Variants in ABCA13 observed in about 807,000 individuals in gnomAD.
ABCA13 encodes the protein ATP binding cassette subfamily A member 13.
ABCA13 carries 476 observed loss-of-function variants against 478.7 expected under a neutral mutation model. The ratio of observed to expected loss-of-function variants is 0.99; its 90% CI spans 0.92 to 1.07. ABCA13 has a LOEUF of 1.07. Among genes scored for constraint, ABCA13 ranks in the 50% least tolerant of loss-of-function variants. ABCA13 has a pLI of 0.00. For missense variants in ABCA13, 6,060 were observed against 5,910.6 expected, an observed-to-expected ratio of 1.03 and a Z score of -0.83; for synonymous variants, 2,252 against 2,158.9, an observed-to-expected ratio of 1.04 and a Z score of -1.20.
rs183939990 is a variant in ABCA13 at position 48,186,751 on chromosome 7, T to C, written c.70-6208T>C. 1.6e-4 allele frequency among the ~76,000 whole-genome samples: 25 copies of C among 152,124 alleles called. No individual in the cohort carries two copies. The East Asian group carries it at 3.5e-3, about 21-fold the overall frequency. Reference sequence around the variant, plus strand: ...TCACTTTCCTCTCCTCAGCTCTTTGTTGATTTATTTTACTTCCAGAAAGAC... The same window carrying C: ...TCACTTTCCTCTCCTCAGCTCTTTGCTGATTTATTTTACTTCCAGAAAGAC... On this transcript the variant is annotated intron_variant, in intron 1 of 61. Transcript: ENST00000435803.
At chr7:48,337,999 C>T (rs1806532666) in intron 28 of ABCA13, among the ~76,000 whole-genome samples, 1 of 152,156 alleles carries the variant, frequency 6.6e-6, no homozygotes, top group African/African-American at 2.4e-5. Context: ...CAATGACCCT[C>T]TGTTTACAAC....
chr7:48,360,231 C>T (rs1161420351), intron 31 of ABCA13, among the ~76,000 whole-genome samples: 1 of 148,736 alleles, frequency 6.7e-6, no homozygotes, highest in Non-Finnish European at 1.5e-5. Context: ...GATGTCCCCA[C>T]TCTGTGTCCA....
chr7:48,522,052 T>A lies in ABCA13; in HGVS notation c.14051+1758T>A, dbSNP rs548308611. Among the ~76,000 whole-genome samples, 266 of 152,354 alleles carry A rather than the reference T, an allele frequency of 1.7e-3. 1 individual carries two copies. Among genetic ancestry groups the A allele is most frequent in the African/African-American group, 6.2e-3 (256 of 41,584 alleles). ...TCCTCCCATCCCACAGGGATATTTG[T>A]TGCCCTGCCTCTGGGGCTGGGCTGA... On this transcript the variant is annotated intron_variant, in intron 53 of 61. Transcript: ENST00000435803.
At chr7:48,472,218 T>C (rs1827577249) in intron 45 of ABCA13, among the ~76,000 whole-genome samples, 1 of 152,168 alleles carries the variant, frequency 6.6e-6, no homozygotes, top group South Asian at 2.1e-4. Flanking sequence ...ACAGGTCTAA[T>C]TTATAGGAAA....
chr7:48,262,735 G>A (rs2128725695), intron 15 of ABCA13, among the ~76,000 whole-genome samples: 1 of 152,048 alleles, frequency 6.6e-6, no homozygotes, highest in Admixed American at 6.6e-5. Flanking sequence ...ATTTAGAGGT[G>A]TATGTCAGCA....
Position 48,412,547 on chromosome 7 carries a change from G to A in ABCA13, c.12423G>A (p.Leu4141=), listed in dbSNP as rs148366143. The A allele has an allele frequency of 6.1e-4, 986 of 1,612,808 alleles. 4 individuals are homozygous for A. Among genetic ancestry groups the A allele is most frequent in the African/African-American group, 4.8e-3 (358 of 74,778 alleles). ...ALDENLHQLH[L]TGYGISDTTL... ...ATGAGAACCTGCATCAGCTGCACCT[G>A]ACGGGCTATGGGATCTCAGACACCA... The change falls in exon 41 of 62, where the codon CTG becomes CTA. Residue 4141 remains leucine (L), a synonymous_variant. Coordinates refer to ENST00000435803, the MANE Select transcript of ABCA13 (RefSeq NM_152701.5).
chr7:48,373,178 C>G (rs889656045), intron 33 of ABCA13, among the ~76,000 whole-genome samples: 2 of 152,142 alleles, frequency 1.3e-5, no homozygotes, highest in Non-Finnish European at 2.9e-5. Context: ...CAAGTGACTT[C>G]CTAAAATTGC....
chr7:48,482,922 T>C (rs1433342102), intron 46 of ABCA13, among the ~76,000 whole-genome samples, 154 bp from the exon 47 acceptor site: 1 of 152,226 alleles, frequency 6.6e-6, no homozygotes, highest in Non-Finnish European at 1.5e-5. Context: ...GCACAGCACC[T>C]GTCTGCCTGT....
rs1323811352 is a variant in ABCA13 at position 48,646,913 on chromosome 7, C to G, written c.*1401C>G. The G allele has an allele frequency of 2.6e-5, 4 of 152,298 alleles. No individual in the cohort carries two copies. The highest frequency in any genetic ancestry group is 9.6e-5 in the African/African-American group (4 of 41,562). 9.4% of individuals were successfully genotyped at this position (152,298 alleles called of 1,614,324 possible). On this transcript the variant is annotated 3_prime_UTR_variant, in exon 62 of 62. Transcript: ENST00000435803. ...AAAGCATTGTCAGATGTAGAGTGCT[C>G]AGATGTGGCTCTTAAAGACTATATA...
chr7:48,295,977 G>A (rs1308302214), intron 21 of ABCA13, 114 bp downstream of exon 21: 4 of 1,240,038 alleles, frequency 3.2e-6, no homozygotes, highest in Non-Finnish European at 4.2e-6. Context: ...TACTCTTAAT[G>A]TGCATATTAA....
At chr7:48,442,290 C>A (rs753573529) in intron 42 of ABCA13, among the ~76,000 whole-genome samples, 1 of 152,102 alleles carries the variant, frequency 6.6e-6, no homozygotes, top group African/African-American at 2.4e-5. Context: ...ACAGACTGAG[C>A]GGCTTAAACA....
At chr7:48,468,493 G>C (rs545110422) in intron 44 of ABCA13, among the ~76,000 whole-genome samples, 2 of 152,252 alleles carry the variant, frequency 1.3e-5, no homozygotes, top group East Asian at 3.9e-4. Flanking sequence ...CATAACAAAA[G>C]GGTAGGAGGA....
chr7:48,419,700 T>C (rs1159091374), intron 41 of ABCA13, among the ~76,000 whole-genome samples: 1 of 152,228 alleles, frequency 6.6e-6, no homozygotes, highest in Non-Finnish European at 1.5e-5. Context: ...TTTCTTACAG[T>C]AATTTCTACT....
At chr7:48,391,514 G>A (rs1391284623) in intron 37 of ABCA13, among the ~76,000 whole-genome samples, 2 of 152,084 alleles carry the variant, frequency 1.3e-5, no homozygotes, top group African/African-American at 2.4e-5. Flanking sequence ...TATAAAATAC[G>A]CTTTGTGATA....
chr7:48,608,712 AGG>A (rs912547505), intron 58 of ABCA13, among the ~76,000 whole-genome samples: 6 of 152,248 alleles, frequency 3.9e-5, no homozygotes, highest in African/African-American at 1.4e-4. Flanking sequence ...TTTCGAAACT[AGG>A]GAGAGTGGGG....
chr7:48,578,082 G>C (rs910616160), intron 55 of ABCA13, among the ~76,000 whole-genome samples: 3 of 152,090 alleles, frequency 2.0e-5, no homozygotes, highest in Admixed American at 1.3e-4. Flanking sequence ...TCCTCAACTT[G>C]ATAAAGAACA....
intron 48 of ABCA13, among the ~76,000 whole-genome samples, chr7:48,495,162 G>A (rs1830167669): frequency 6.6e-6 from 1 of 152,160 alleles, no homozygotes; most frequent in Non-Finnish European, 1.5e-5. Flanking sequence ...CAAATTTGAT[G>A]AATTTTCTAA....
chr7:48,490,778 A>G (rs1829770211), intron 48 of ABCA13, among the ~76,000 whole-genome samples: 2 of 152,202 alleles, frequency 1.3e-5, no homozygotes, highest in Non-Finnish European at 2.9e-5. Flanking sequence ...GACATGATGA[A>G]GAGTATGGAC....
intron 3 of ABCA13, among the ~76,000 whole-genome samples, chr7:48,206,038 C>T (rs1230338730): frequency 2.0e-5 from 3 of 152,186 alleles, no homozygotes; most frequent in South Asian, 2.1e-4. Flanking sequence ...CCACTCACCC[C>T]ACATCTTCAG....
Sources: allele counts gnomAD v4.1 joint callset (sites outside exome capture counted in the v4.1 genomes callset), GRCh38; gene constraint gnomAD v4.1.1; transcripts MANE v1.5; gene names NCBI Gene and HGNC (gene_info 2026-07-23, HGNC 2026-07-21).